Variants in CERS3 observed in about 807,000 individuals in gnomAD.
The protein encoded by CERS3 is ceramide synthase 3.
CERS3 carries 33 observed loss-of-function variants against 50.3 expected under a neutral mutation model. The observed-to-expected ratio is 0.66, with a 90% CI of 0.50 to 0.88. The LOEUF (loss-of-function observed/expected upper bound fraction) is 0.88, where lower values mean the gene tolerates loss of function less well. Among genes scored for constraint, CERS3 ranks in the 40% least tolerant of loss-of-function variants. The pLI is 0.00. For missense variants in CERS3, 470 were observed against 460.3 expected (o/e 1.02, Z -0.19); for synonymous variants, 176 against 155.2 (o/e 1.13, Z -0.99).
chr15:100,421,698 A>C (rs930243752), intron 11 of CERS3, among the ~76,000 whole-genome samples: 1 of 150,236 alleles, frequency 6.7e-6, no homozygotes, highest in African/African-American at 2.5e-5. Context: ...ACAAGGCTAC[A>C]GTAACCAAAA....
intron 11 of CERS3, among the ~76,000 whole-genome samples, chr15:100,439,655 C>T (rs1026693352): frequency 7.2e-5 from 11 of 152,156 alleles, no homozygotes; most frequent in Non-Finnish European, 7.3e-5. Context: ...TAACTCCAGC[C>T]GCTAGCCCTC....
chr15:100,435,027 T>C (rs1408203982), intron 11 of CERS3, among the ~76,000 whole-genome samples: 1 of 152,190 alleles, frequency 6.6e-6, no homozygotes, highest in African/African-American at 2.4e-5. Flanking sequence ...CAGTCCACAT[T>C]TGGGACAGAG....
chr15:100,498,576 G>A (rs1483682753), intron 3 of CERS3, among the ~76,000 whole-genome samples: 1 of 152,136 alleles, frequency 6.6e-6, no homozygotes, highest in Non-Finnish European at 1.5e-5. Flanking sequence ...ACCAGGGAAT[G>A]AGTCCCTTAG....
intron 11 of CERS3, among the ~76,000 whole-genome samples, chr15:100,441,767 T>C (rs886083152): frequency 3.3e-5 from 5 of 151,166 alleles, no homozygotes; most frequent in Admixed American, 6.6e-5. Context: ...CGGTCTGAGG[T>C]GCCTGACGTC....
chr15:100,434,820 G>A (rs1366020710), intron 11 of CERS3, among the ~76,000 whole-genome samples: 1 of 152,210 alleles, frequency 6.6e-6, no homozygotes, highest in African/African-American at 2.4e-5. Context: ...CTGTGTGTGT[G>A]CGTCTGTTTC....
At chr15:100,530,747 A>G (rs1332879098), upstream of CERS3, among the ~76,000 whole-genome samples, 1 of 152,146 alleles carries the variant, frequency 6.6e-6, no homozygotes, top group Admixed American at 6.5e-5. Context: ...CCTGAACCCT[A>G]TTTTGGACTC....
chr15:100,454,696 A>G (rs2034300554), intron 11 of CERS3, among the ~76,000 whole-genome samples: 1 of 152,216 alleles, frequency 6.6e-6, no homozygotes, highest in South Asian at 2.1e-4. Flanking sequence ...GCCAGGCAAC[A>G]AAAACCAAAA....
At chr15:100,491,780 A>C (rs1385848728) in intron 3 of CERS3, among the ~76,000 whole-genome samples, 2 of 151,966 alleles carry the variant, frequency 1.3e-5, no homozygotes, top group East Asian at 1.9e-4. Flanking sequence ...ATTCATCTCA[A>C]GTATTTGCAA....
intron 10 of CERS3, 59 bp from the exon 11 acceptor site, chr15:100,456,105 A>G: frequency 7.5e-7 from 1 of 1,333,826 alleles, no homozygotes; most frequent in South Asian, 1.6e-5. Flanking sequence ...TGAATTTTCA[A>G]TAATAAAACA....
At chr15:100,486,067 A>G (rs1255955218) in intron 4 of CERS3, among the ~76,000 whole-genome samples, 1 of 152,216 alleles carries the variant, frequency 6.6e-6, no homozygotes, top group African/African-American at 2.4e-5. Context: ...ACGCTTCCAG[A>G]GAAAACGTGC....
chr15:100,474,037 C>A (rs1238504614), intron 8 of CERS3, among the ~76,000 whole-genome samples: 1 of 152,134 alleles, frequency 6.6e-6, no homozygotes, highest in Non-Finnish European at 1.5e-5. Context: ...ACATAAAAGA[C>A]CAGGTATTAT....
At chr15:100,427,737 T>C (rs996122712) in intron 11 of CERS3, among the ~76,000 whole-genome samples, 1 of 152,218 alleles carries the variant, frequency 6.6e-6, no homozygotes, top group African/African-American at 2.4e-5. Context: ...AGGTAGAAAC[T>C]GTCATTCATT....
At chr15:100,502,267 A>G (rs150418631) in intron 2 of CERS3, among the ~76,000 whole-genome samples, 67 of 109,292 alleles carry the variant, frequency 6.1e-4, no homozygotes, top group African/African-American at 1.8e-3. Flanking sequence ...AAAAAAAAAA[A>G]AAAGAAAGAA....
At chr15:100,489,954 A>G (rs2142295919) in intron 4 of CERS3, among the ~76,000 whole-genome samples, 1 of 152,350 alleles carries the variant, frequency 6.6e-6, no homozygotes, top group African/African-American at 2.4e-5. Flanking sequence ...AGCAATTGTC[A>G]TAGTAGAGGC....
chr15:100,532,431 T>C (rs1483222921), upstream of CERS3, among the ~76,000 whole-genome samples: 1 of 152,120 alleles, frequency 6.6e-6, no homozygotes, highest in African/African-American at 2.4e-5. Flanking sequence ...TTCATAGACG[T>C]TTCAAATGCT....
intron 7 of CERS3, among the ~76,000 whole-genome samples, chr15:100,478,428 G>T (rs2035201627): frequency 6.6e-6 from 1 of 152,072 alleles, no homozygotes; most frequent in Non-Finnish European, 1.5e-5. Context: ...ACAGCATGTA[G>T]TTTATGACTC....
intron 2 of CERS3, among the ~76,000 whole-genome samples, chr15:100,518,657 T>G (rs1279635818): frequency 1.3e-5 from 2 of 152,218 alleles, no homozygotes; most frequent in Non-Finnish European, 2.9e-5. Context: ...AATCAGCTGG[T>G]GTGAATGTGA....
intron 10 of CERS3, among the ~76,000 whole-genome samples, chr15:100,467,827 ATATATACGTG>A (rs1334966641): frequency 8.6e-5 from 9 of 104,892 alleles, no homozygotes; most frequent in African/African-American, 2.7e-4. Flanking sequence ...ATATGTGTAT[ATATATACGTG>A]TATATATATA....
intron 11 of CERS3, among the ~76,000 whole-genome samples, chr15:100,405,005 CT>C (rs1234202747): frequency 6.6e-6 from 1 of 152,044 alleles, no homozygotes; most frequent in Non-Finnish European, 1.5e-5. Context: ...AACTTTAAAA[CT>C]TTTAGAAGAA....
Sources: gnomAD v4.1 joint callset for allele counts (sites outside exome capture counted in the v4.1 genomes callset) on GRCh38, gnomAD v4.1.1 for gene constraint, MANE v1.5 for transcripts, NCBI Gene and HGNC (gene_info 2026-07-23, HGNC 2026-07-21) for gene names.